The following CNTNAP5 variants were observed in gnomAD, a reference collection of about 807,000 sequenced individuals.
The protein encoded by CNTNAP5 is contactin-associated protein-like 5.
In CNTNAP5, 72 loss-of-function variants were observed where a neutral mutation model predicts 150.2. That is an observed-to-expected ratio of 0.48 (90% confidence interval 0.40 to 0.58). CNTNAP5 has a LOEUF of 0.58. Ranked by LOEUF, CNTNAP5 falls within the 20% of genes least tolerant of loss-of-function variation. The pLI is 0.00. For missense variants in CNTNAP5, 1,636 were observed against 1,626.2 expected (o/e 1.01, Z -0.10); for synonymous variants, 672 against 619.8 (o/e 1.08, Z -1.25).
chr2:124,075,412 A>G (rs1303063951), intron 1 of CNTNAP5, among the ~76,000 whole-genome samples: 2 of 152,068 alleles, frequency 1.3e-5, no homozygotes, highest in East Asian at 1.9e-4. Context: ...AGTCTGGGAC[A>G]TTTTCAACCT....
chr2:124,188,211 G>C (rs760672600), intron 1 of CNTNAP5, among the ~76,000 whole-genome samples: 9 of 152,206 alleles, frequency 5.9e-5, no homozygotes, highest in Middle Eastern at 3.4e-3. Context: ...AGAAGAAGAG[G>C]TATCAACGAT....
intron 7 of CNTNAP5, among the ~76,000 whole-genome samples, chr2:124,503,881 G>T (rs1366923941): frequency 2.0e-5 from 3 of 152,068 alleles, no homozygotes; most frequent in East Asian, 3.9e-4. Flanking sequence ...ACCTTTGCTT[G>T]TCCAGTTATT....
chr2:124,425,102 A>G (rs1692209432), intron 4 of CNTNAP5, among the ~76,000 whole-genome samples: 1 of 152,176 alleles, frequency 6.6e-6, no homozygotes, highest in African/African-American at 2.4e-5. Context: ...TGCCTCCTAC[A>G]ATTTGTTTTG....
Position 124,835,559 on chromosome 2 carries a change from G to C in CNTNAP5, c.3218-29747G>C, listed in dbSNP as rs574562119. 9.2e-5 allele frequency among the ~76,000 whole-genome samples: 14 copies of C among 152,182 alleles called. No homozygotes were observed. In the East Asian group the frequency reaches 2.7e-3, roughly 30 times the overall value. ...CCAGGTCCATGCCAGAGAGTTTGAC[G>C]TGGTATTAATGAAGTCTGAAGCATA... On this transcript the variant is annotated intron_variant, in intron 19 of 23. Coordinates refer to ENST00000682447, the MANE Select transcript of CNTNAP5 (RefSeq NM_001367498.1).
chr2:124,419,160 A>AAAAAAAAAAAAAAAAAC (rs1178509424), intron 4 of CNTNAP5, among the ~76,000 whole-genome samples: 1 of 147,558 alleles, frequency 6.8e-6, no homozygotes, highest in South Asian at 2.2e-4. Context: ...AAAAAAAAAA[A>AAAAAAAAAAAAAAAAAC]AAACAGTATG....
intron 13 of CNTNAP5, among the ~76,000 whole-genome samples, chr2:124,674,158 C>T (rs1307691584): frequency 2.0e-5 from 3 of 152,128 alleles, no homozygotes; most frequent in Non-Finnish European, 2.9e-5. Flanking sequence ...TTGATCTTCT[C>T]AAATAATCTA....
chr2:124,377,784 C>T (rs1204569259), intron 3 of CNTNAP5, among the ~76,000 whole-genome samples: 1 of 151,214 alleles, frequency 6.6e-6, no homozygotes, highest in East Asian at 1.9e-4. Flanking sequence ...TTATGGCTAC[C>T]AGAGAATGTC....
chr2:124,832,229 T>C (rs1310116171), intron 19 of CNTNAP5, among the ~76,000 whole-genome samples: 1 of 152,130 alleles, frequency 6.6e-6, no homozygotes, highest in Non-Finnish European at 1.5e-5. Flanking sequence ...TAAACAAGCT[T>C]ATTTATTAAG....
intron 13 of CNTNAP5, among the ~76,000 whole-genome samples, chr2:124,706,690 T>A (rs1386282743): frequency 6.7e-6 from 1 of 150,012 alleles, no homozygotes; most frequent in African/African-American, 2.5e-5. Flanking sequence ...GAGGTTGCAG[T>A]GAGCTGAGAT....
intron 13 of CNTNAP5, among the ~76,000 whole-genome samples, chr2:124,703,515 G>A (rs1201177146): frequency 6.6e-6 from 1 of 152,112 alleles, no homozygotes; most frequent in Middle Eastern, 3.2e-3. Context: ...TCTAGGCAAA[G>A]TTTTTTATGT....
chr2:124,350,496 G>T (rs545863336), intron 3 of CNTNAP5, among the ~76,000 whole-genome samples: 2 of 150,150 alleles, frequency 1.3e-5, no homozygotes, highest in Admixed American at 6.7e-5. Context: ...CAGTTCTTAC[G>T]CCTTCACATT....
At chr2:124,070,582 A>C (rs376920704) in intron 1 of CNTNAP5, among the ~76,000 whole-genome samples, 198 of 152,062 alleles carry the variant, frequency 1.3e-3, no homozygotes, top group African/African-American at 4.3e-3. Flanking sequence ...TCAATAAAAA[A>C]CTGAAAATAG....
At chr2:124,660,941 C>T (rs1290061676) in intron 13 of CNTNAP5, among the ~76,000 whole-genome samples, 3 of 74,268 alleles carry the variant, frequency 4.0e-5, no homozygotes, top group African/African-American at 9.8e-5. Context: ...GAGACTGGGT[C>T]TCAAAAAAAA....
In CNTNAP5 at chr2:124,396,932, A is replaced by T. The variant is rs75514084; in HGVS notation, c.382-20511A>T. ...CTTGAACTATGACAATCTGTGCAGAAAAAGGCCAGTCTTAGAGTCAAATGC... is the reference window on the plus strand; with the variant it reads ...CTTGAACTATGACAATCTGTGCAGATAAAGGCCAGTCTTAGAGTCAAATGC... On this transcript the variant is annotated intron_variant, in intron 3 of 23. Transcript: ENST00000682447. 3.3e-3 allele frequency among the ~76,000 whole-genome samples: 510 copies of T among 152,328 alleles called. 7 individuals carry two copies. Among genetic ancestry groups the T allele is most frequent in the African/African-American group, 0.011 (477 of 41,584 alleles).
At chr2:124,432,342 G>C (rs2104792659) in intron 4 of CNTNAP5, among the ~76,000 whole-genome samples, 1 of 152,242 alleles carries the variant, frequency 6.6e-6, no homozygotes. Context: ...GTACTGAGAT[G>C]CACCAAACAT....
intron 4 of CNTNAP5, among the ~76,000 whole-genome samples, chr2:124,419,153 A>AAAAAAAAAAAAAAAAAAAAC (rs1553466545): frequency 3.9e-4 from 30 of 76,420 alleles, no homozygotes; most frequent in Non-Finnish European, 5.5e-4. Context: ...AAAAAAAAAA[A>AAAAAAAAAAAAAAAAAAAAC]AAAAAAAAAA....
intron 13 of CNTNAP5, among the ~76,000 whole-genome samples, chr2:124,664,344 G>C (rs1020110843): frequency 8.9e-5 from 12 of 134,452 alleles, no homozygotes; most frequent in Non-Finnish European, 6.5e-5. Context: ...AAAAAAAAAA[G>C]GAAAGAAAAA....
At chr2:124,470,264 T>C (rs1033521996) in intron 6 of CNTNAP5, among the ~76,000 whole-genome samples, 4 of 152,218 alleles carry the variant, frequency 2.6e-5, no homozygotes, top group African/African-American at 9.6e-5. Context: ...ATAGCCATTC[T>C]GACTGGTGTG....
rs1176310593 is a variant in CNTNAP5 at position 124,270,615 on chromosome 2, G to A, written c.381+28222G>A. Reference sequence around the variant, plus strand: ...TTTTAAGGTTCTGTAAGTTTTTAAGGAGGAGAGTGAGAATGACTACTGAGT... The same window carrying A: ...TTTTAAGGTTCTGTAAGTTTTTAAGAAGGAGAGTGAGAATGACTACTGAGT... On this transcript the variant is annotated intron_variant, in intron 3 of 23. Coordinates refer to ENST00000682447, the MANE Select transcript of CNTNAP5 (RefSeq NM_001367498.1). 2.0e-5 allele frequency among the ~76,000 whole-genome samples: 3 copies of A among 152,180 alleles called. No individual in the cohort carries two copies. In the South Asian group the frequency reaches 6.2e-4, roughly 31 times the overall value.
Sources: allele counts gnomAD v4.1 joint callset (sites outside exome capture counted in the v4.1 genomes callset), GRCh38; gene constraint gnomAD v4.1.1; transcripts MANE v1.5; gene names NCBI Gene and HGNC (gene_info 2026-07-23, HGNC 2026-07-21).